Variants in EPHA6 observed in about 807,000 individuals in gnomAD.
EPHA6 encodes the protein ephrin type-A receptor 6.
In EPHA6, 50 loss-of-function variants were observed where a neutral mutation model predicts 112.0. That is an observed-to-expected ratio of 0.45 (90% CI 0.36 to 0.56). The LOEUF is 0.56. EPHA6 is among the 20% of genes least tolerant of loss of function. The probability of loss-of-function intolerance (pLI) is 0.00; values close to 1 mark genes in which losing one functional copy is unlikely to be tolerated. For synonymous variants in EPHA6, 529 were observed against 490.7 expected (o/e 1.08, Z -1.03); for missense variants, 1,280 against 1,417.4 (o/e 0.90, Z 1.56).
intron 2 of EPHA6, among the ~76,000 whole-genome samples, chr3:96,935,363 G>A (rs1187894006): frequency 6.6e-6 from 1 of 151,102 alleles, no homozygotes; most frequent in South Asian, 2.1e-4. Flanking sequence ...TCCATTCAAG[G>A]TTAAAAATAT....
intron 14 of EPHA6, among the ~76,000 whole-genome samples, chr3:97,673,178 G>A (rs1050267213): frequency 1.3e-5 from 2 of 152,130 alleles, no homozygotes; most frequent in African/African-American, 4.8e-5. Flanking sequence ...TCCTTTCCTT[G>A]AAGTCAGAGT....
intron 3 of EPHA6, among the ~76,000 whole-genome samples, chr3:97,023,659 A>T (rs191004927): frequency 4.2e-4 from 62 of 146,178 alleles, no homozygotes; most frequent in Middle Eastern, 3.5e-3. Context: ...AAAATGTTAA[A>T]TTTTTTTTTT....
chr3:97,393,934 A>G (rs1056453389), intron 5 of EPHA6, among the ~76,000 whole-genome samples: 10 of 151,830 alleles, frequency 6.6e-5, no homozygotes, highest in Admixed American at 6.6e-4. Context: ...GTAGTGTATC[A>G]TTGTGTATAT....
In EPHA6 at chr3:97,536,545, G is replaced by T. The variant is rs1417725256; in HGVS notation, c.2386+4002G>T. On this transcript the variant is annotated intron_variant, in intron 11 of 17. Transcript: ENST00000389672. ...AAATATTCCATGAGACAGTATTGAAGTTATAACAGAAAGTGCTGCGCTTGC... is the reference window on the plus strand; with the variant it reads ...AAATATTCCATGAGACAGTATTGAATTTATAACAGAAAGTGCTGCGCTTGC... Among the ~76,000 whole-genome samples the T allele has an allele frequency of 2.2e-4, 33 of 152,120 alleles. 1 individual carries two copies. The highest frequency in any genetic ancestry group is 2.2e-3 in the Admixed American group (33 of 15,252).
intron 3 of EPHA6, among the ~76,000 whole-genome samples, chr3:96,999,775 A>G (rs941537993): frequency 5.9e-5 from 9 of 151,894 alleles, no homozygotes; most frequent in African/African-American, 2.2e-4. Flanking sequence ...AAGATGAATA[A>G]GCATAACACA....
At position 97,760,607 on chromosome 3, in the gene EPHA6, C is replaced by T. The variant is rs182865778; in HGVS notation, c.*11906C>T. 1.1e-4 allele frequency: 20 copies of T among 178,918 alleles called. 1 individual carries two copies. The highest frequency in any genetic ancestry group is 3.1e-4 in the African/African-American group (13 of 42,236). The allele number at this position is 178,918 out of a possible 1,614,324, so 11.1% of individuals were successfully genotyped here. The stretch of plus-strand genomic sequence containing the variant: ...TTAAACACTTTAAATTTTAAATGGC[C>T]GCATCAAATTTTAAATGGTAGATGA... On this transcript the variant is annotated 3_prime_UTR_variant, in exon 18 of 18. Transcript: ENST00000389672.
At chr3:97,310,430 C>T (rs1055711834) in intron 5 of EPHA6, among the ~76,000 whole-genome samples, 3 of 151,074 alleles carry the variant, frequency 2.0e-5, no homozygotes, top group African/African-American at 7.3e-5. Context: ...ACCTGAGTCT[C>T]GAATAATGGG....
chr3:97,583,976 T>C (rs1291462592), intron 11 of EPHA6, among the ~76,000 whole-genome samples: 1 of 152,176 alleles, frequency 6.6e-6, no homozygotes, highest in Non-Finnish European at 1.5e-5. Flanking sequence ...ATTTTAAAAG[T>C]TTTGGAAATT....
At chr3:97,309,268 T>G (rs1322141388) in intron 5 of EPHA6, among the ~76,000 whole-genome samples, 1 of 151,664 alleles carries the variant, frequency 6.6e-6, no homozygotes, top group African/African-American at 2.4e-5. Flanking sequence ...CAACACTGTC[T>G]TAATTTATTG....
chr3:97,292,384 C>A (rs569826351), intron 5 of EPHA6, among the ~76,000 whole-genome samples: 1 of 152,346 alleles, frequency 6.6e-6, no homozygotes, highest in South Asian at 2.1e-4. Context: ...TGCCATTTTG[C>A]GGGTCCCAAG....
intron 2 of EPHA6, among the ~76,000 whole-genome samples, chr3:96,986,312 A>C (rs556689672): frequency 2.8e-4 from 42 of 152,306 alleles, no homozygotes; most frequent in African/African-American, 8.2e-4. Flanking sequence ...AAGTGAAAAT[A>C]ATCCAGTGAT....
intron 5 of EPHA6, among the ~76,000 whole-genome samples, chr3:97,332,624 T>C (rs1485219204): frequency 1.3e-5 from 2 of 152,192 alleles, no homozygotes; most frequent in East Asian, 3.9e-4. Flanking sequence ...TGTCAGTCTG[T>C]AATTCATTTT....
intron 2 of EPHA6, among the ~76,000 whole-genome samples, chr3:96,970,304 A>G (rs1361190606): frequency 3.3e-5 from 5 of 150,702 alleles, no homozygotes; most frequent in African/African-American, 9.8e-5. Flanking sequence ...GAGAGAGAGA[A>G]AGTGCCTCTT....
At chr3:97,593,300 G>T (rs565455569) in intron 12 of EPHA6, among the ~76,000 whole-genome samples, 1 of 152,204 alleles carries the variant, frequency 6.6e-6, no homozygotes, top group South Asian at 2.1e-4. Context: ...ATAGGATATT[G>T]AACATTTAAA....
chr3:97,495,438 C>T (rs946357408), intron 10 of EPHA6, among the ~76,000 whole-genome samples: 1 of 151,382 alleles, frequency 6.6e-6, no homozygotes, highest in Non-Finnish European at 1.5e-5. Flanking sequence ...CTTTACATGT[C>T]TATACAAATT....
At chr3:97,173,564 C>T (rs1442992581) in intron 3 of EPHA6, among the ~76,000 whole-genome samples, 2 of 151,778 alleles carry the variant, frequency 1.3e-5, no homozygotes, top group African/African-American at 4.8e-5. Context: ...ATTAACTACA[C>T]TCTTAATTCT....
intron 2 of EPHA6, among the ~76,000 whole-genome samples, chr3:96,907,267 T>C (rs1304017111): frequency 6.6e-6 from 1 of 151,898 alleles, no homozygotes; most frequent in Non-Finnish European, 1.5e-5. Context: ...TTTTCTTATT[T>C]ATTTATTAAT....
intron 5 of EPHA6, among the ~76,000 whole-genome samples, chr3:97,259,064 C>T (rs929312442): frequency 6.6e-6 from 1 of 152,092 alleles, no homozygotes; most frequent in Non-Finnish European, 1.5e-5. Context: ...GCTATAGTGA[C>T]TTAAAGTTGT....
At chr3:97,393,483 T>C (rs2109072965) in intron 5 of EPHA6, among the ~76,000 whole-genome samples, 1 of 151,984 alleles carries the variant, frequency 6.6e-6, no homozygotes, top group East Asian at 1.9e-4. Context: ...CTGACAACTT[T>C]AAAGATAACT....
Sources: allele counts gnomAD v4.1 joint callset (sites outside exome capture counted in the v4.1 genomes callset), GRCh38; gene constraint gnomAD v4.1.1; transcripts MANE v1.5; gene names NCBI Gene and HGNC (gene_info 2026-07-23, HGNC 2026-07-21).